MGA: variants seen among roughly 807,000 people sequenced by gnomAD.
MGA encodes the protein MAX gene-associated protein.
MGA carries 40 observed loss-of-function variants against 261.1 expected under a neutral mutation model. That is an observed-to-expected ratio of 0.15 (90% CI 0.12 to 0.20). MGA has a LOEUF of 0.20. Among genes scored for constraint, MGA ranks in the 10% least tolerant of loss-of-function variants. MGA has a pLI of 1.00. For missense variants in MGA, 3,397 were observed against 3,630.5 expected (o/e 0.94, Z 1.65); for synonymous variants, 1,302 against 1,290.6 (o/e 1.01, Z -0.19).
At chr15:41,721,066 A>G (rs891800142) in intron 9 of MGA, among the ~76,000 whole-genome samples, 5 of 152,246 alleles carry the variant, frequency 3.3e-5, no homozygotes, top group African/African-American at 1.2e-4. Context: ...CATTTAGAAG[A>G]TACAGGCAAA....
chr15:41,749,818 G>C lies in MGA; in HGVS notation c.6211G>C (p.Ala2071Pro). ...TAAAGATGTTAATGAAGAATATGGGGCTAGGAATCGTAAGAGTTCCAAAGA... is the reference window on the plus strand; with the variant it reads ...TAAAGATGTTAATGAAGAATATGGGCCTAGGAATCGTAAGAGTTCCAAAGA... Residue 2071 changes from alanine (A) to proline (P), a missense_variant, in exon 17 of 24, where the codon GCT becomes CCT. By Grantham distance (27) the Ala-to-Pro change is conservative. This residue lies in a region of MGA where 1,410 missense variants were observed against 1,386.4 expected (regional missense o/e 1.02). Coordinates refer to ENST00000219905, the MANE Select transcript of MGA (RefSeq NM_001164273.2). 6.2e-7 allele frequency: 1 copy of C among 1,613,930 alleles called. No individual in the cohort carries two copies. The highest frequency in any genetic ancestry group is 2.2e-5 in the East Asian group (1 of 44,876).
chr15:41,735,661 T>C (rs2061738177), intron 12 of MGA, among the ~76,000 whole-genome samples: 2 of 150,940 alleles, frequency 1.3e-5, no homozygotes, highest in South Asian at 4.2e-4. Flanking sequence ...CACTTGAACC[T>C]GGGAGGCAGA....
intron 2 of MGA, among the ~76,000 whole-genome samples, chr15:41,688,163 C>T (rs936046842): frequency 5.9e-5 from 9 of 152,266 alleles, no homozygotes; most frequent in Admixed American, 5.2e-4. Flanking sequence ...GCAACATCTG[C>T]CTCCCGGGTT....
chr15:41,624,853 T>A (rs970197918), intron 1 of MGA, among the ~76,000 whole-genome samples: 10 of 152,124 alleles, frequency 6.6e-5, no homozygotes, highest in African/African-American at 2.2e-4. Flanking sequence ...AGTCTTGAAA[T>A]AGAATGAGGC....
chr15:41,742,591 G>A lies in MGA; in HGVS notation c.4631G>A (p.Ser1544Asn), dbSNP rs1188527747. Reference sequence around the variant, plus strand: ...GGTGTGTTCACACAGTTTGTGATGAGTAAAGTTGGAGCCTTGCAGCAGAAG... The same window carrying A: ...GGTGTGTTCACACAGTTTGTGATGAATAAAGTTGGAGCCTTGCAGCAGAAG... Residue 1544 changes from serine (S) to asparagine (N), a missense_variant, in exon 15 of 24, where the codon AGT becomes AAT. Around this residue, in one of 9 missense-constraint regions of MGA, gnomAD observed 1,410 missense variants for 1,386.4 expected, o/e 1.02. Coordinates refer to ENST00000219905, the MANE Select transcript of MGA (RefSeq NM_001164273.2). 1 of 1,613,932 alleles carries A rather than the reference G, an allele frequency of 6.2e-7. No individual in the cohort carries two copies. The highest frequency in any genetic ancestry group is 1.1e-5 in the South Asian group (1 of 91,088).
chr15:41,709,934 G>A (rs920908241), intron 7 of MGA, among the ~76,000 whole-genome samples: 2 of 151,490 alleles, frequency 1.3e-5, no homozygotes, highest in African/African-American at 2.4e-5. Context: ...CAATTCTCCT[G>A]CTTCAGCCTC....
At chr15:41,628,519 A>G (rs1365873715) in intron 1 of MGA, among the ~76,000 whole-genome samples, 1 of 152,114 alleles carries the variant, frequency 6.6e-6, no homozygotes, top group Non-Finnish European at 1.5e-5. Flanking sequence ...ATAAAGAGTA[A>G]GACACACCCA....
intron 1 of MGA, among the ~76,000 whole-genome samples, chr15:41,641,844 G>A (rs2056828076): frequency 6.6e-6 from 1 of 151,832 alleles, no homozygotes. Context: ...TGCCCAGGCT[G>A]GTGTGCAGTG....
At position 41,725,569 on chromosome 15, in the gene MGA, C is replaced by CTTA. The variant is rs2061181879; in HGVS notation, c.3431-1611_3431-1610insTTA. On this transcript the variant is annotated intron_variant, in intron 9 of 23. Transcript: ENST00000219905. ...ATAAGTAGGGCCGGGCGCGGTGGCT[C>CTTA]ACGCCTGTAATCCCAGCACTTTGGG... 1.8e-4 allele frequency among the ~76,000 whole-genome samples: 10 copies of CTTA among 54,180 alleles called. 4 individuals carry two copies. The highest frequency in any genetic ancestry group is 4.7e-4 in the Admixed American group (2 of 4,266). 35.5% of individuals were successfully genotyped at this position (54,180 alleles called of 152,430 possible). A position where few individuals can be genotyped will look rare whatever the true frequency, so the allele number is the denominator to read the frequency against.
intron 1 of MGA, among the ~76,000 whole-genome samples, chr15:41,661,190 A>C (rs1325585091): frequency 6.6e-6 from 1 of 151,938 alleles, no homozygotes; most frequent in Non-Finnish European, 1.5e-5. Flanking sequence ...GGGAGGGGAA[A>C]ACAGGTGGGA....
chr15:41,765,103 T>G (rs1014819447), intron 23 of MGA, 41 bp downstream of exon 23: 1 of 1,595,868 alleles, frequency 6.3e-7, no homozygotes, highest in Non-Finnish European at 8.6e-7. Context: ...GTGATAAAGT[T>G]ATCCCTAACA....
At chr15:41,637,743 G>C (rs914087217) in intron 1 of MGA, among the ~76,000 whole-genome samples, 1 of 151,882 alleles carries the variant, frequency 6.6e-6, no homozygotes, top group Non-Finnish European at 1.5e-5. Flanking sequence ...TGGGATATGG[G>C]TTACAATTTT....
At chr15:41,743,465 G>A (rs957682102) in intron 15 of MGA, among the ~76,000 whole-genome samples, 1 of 152,210 alleles carries the variant, frequency 6.6e-6, no homozygotes, top group African/African-American at 2.4e-5. Flanking sequence ...AATCTTGACT[G>A]ATAGTTTAGT....
intron 2 of MGA, among the ~76,000 whole-genome samples, chr15:41,689,038 C>G (rs1050847844): frequency 6.6e-6 from 1 of 152,136 alleles, no homozygotes; most frequent in African/African-American, 2.4e-5. Flanking sequence ...TCTCCTAAAG[C>G]CCTGTTTGGG....
intron 1 of MGA, 31 bp from the exon 2 acceptor site, chr15:41,668,797 T>G: frequency 1.1e-6 from 1 of 881,820 alleles, no homozygotes; most frequent in Non-Finnish European, 1.7e-6. Flanking sequence ...GGGTGTTTTT[T>G]GTTTTTGGTT....
intron 1 of MGA, among the ~76,000 whole-genome samples, chr15:41,632,892 A>G (rs142366397): frequency 1.2e-4 from 18 of 152,252 alleles, no homozygotes; most frequent in African/African-American, 3.6e-4. Context: ...TACACAAACA[A>G]ATGAAATGGC....
At chr15:41,665,552 G>T (rs62003901) in intron 1 of MGA, among the ~76,000 whole-genome samples, 39,579 of 151,914 alleles carry the variant, frequency 0.26, 5,554 homozygotes, top group Middle Eastern at 0.43. Flanking sequence ...CACCATTGTA[G>T]AGATGGAGTC....
chr15:41,716,870 A>G (rs1254148102), intron 9 of MGA, among the ~76,000 whole-genome samples: 1 of 152,096 alleles, frequency 6.6e-6, no homozygotes, highest in Non-Finnish European at 1.5e-5. Context: ...ATAAAATCTC[A>G]GCATTTAATA....
At chr15:41,763,092 CTTTTTTTTTTTTTT>C (rs71108131) in intron 22 of MGA, among the ~76,000 whole-genome samples, 15 of 63,952 alleles carry the variant, frequency 2.3e-4, no homozygotes, top group African/African-American at 8.2e-4. Context: ...TTCTTTCTTC[CTTTTTTTTTTTTTT>C]TTTTTTTTTT....
Sources: gnomAD v4.1 joint callset for allele counts (sites outside exome capture counted in the v4.1 genomes callset) on GRCh38, gnomAD v4.1.1 for gene constraint, gnomAD v4.1.1 regional missense constraint, MANE v1.5 for transcripts, NCBI Gene and HGNC (gene_info 2026-07-23, HGNC 2026-07-21) for gene names.